Variants in EPS15 observed in about 807,000 individuals in gnomAD.
EPS15 encodes epidermal growth factor receptor pathway substrate 15.
EPS15 carries 72 observed loss-of-function variants against 113.8 expected under a neutral mutation model. The ratio of observed to expected loss-of-function variants is 0.63; its 90% CI spans 0.52 to 0.77. EPS15 has a LOEUF of 0.77. Ranked by LOEUF, EPS15 falls within the 30% of genes least tolerant of loss-of-function variation. The pLI is 0.00. For synonymous variants in EPS15, 344 were observed against 363.4 expected (o/e 0.95, Z 0.61); for missense variants, 1,048 against 1,045.8 (o/e 1.00, Z -0.03).
At chr1:51,381,639 T>C (rs561987052) in intron 21 of EPS15, among the ~76,000 whole-genome samples, 1 of 151,872 alleles carries the variant, frequency 6.6e-6, no homozygotes, top group African/African-American at 2.4e-5. Flanking sequence ...TAAAACAGAA[T>C]AAAACTAAAA....
intron 13 of EPS15, among the ~76,000 whole-genome samples, chr1:51,411,540 T>C (rs1049128221): frequency 6.6e-6 from 1 of 152,168 alleles, no homozygotes; most frequent in Non-Finnish European, 1.5e-5. Context: ...AATTATAATA[T>C]TGAAGGAGAA....
intron 24 of EPS15, among the ~76,000 whole-genome samples, chr1:51,357,420 ATATATATTTTT>A (rs1287657346): frequency 6.3e-4 from 43 of 68,778 alleles, no homozygotes; most frequent in African/African-American, 7.2e-4. Flanking sequence ...ATATATATAT[ATATATATTTTT>A]TTTTTTTAAA....
Position 51,399,081 on chromosome 1 carries a change from G to A in EPS15, c.2003C>T (p.Thr668Ile), listed in dbSNP as rs1280406708. The A allele has an allele frequency of 6.2e-7, 1 of 1,614,108 alleles. No homozygotes were observed. The highest frequency in any genetic ancestry group is 1.7e-5 in the Admixed American group (1 of 60,028). ...FFRQSTDPFATSSTDPFSAAN... is the reference protein window; with the variant it reads ...FFRQSTDPFAISSTDPFSAAN... ...TGCACTGAAAGGGTCAGTGCTTGAA[G>A]TGGCAAAAGGATCAGTAGATTGCCT... The change falls in exon 20 of 25, where the codon ACT becomes ATT. Residue 668 changes from threonine to isoleucine, a missense_variant. Coordinates refer to ENST00000371733, the MANE Select transcript of EPS15 (RefSeq NM_001981.3).
chr1:51,373,003 C>T (rs1387411138), intron 21 of EPS15: 5 of 277,640 alleles, frequency 1.8e-5, no homozygotes, highest in Non-Finnish European at 2.7e-5. Flanking sequence ...GGCCTTGTAC[C>T]TGAAGATCAA....
chr1:51,479,069 T>C (rs1361430620), intron 2 of EPS15, among the ~76,000 whole-genome samples: 1 of 152,200 alleles, frequency 6.6e-6, no homozygotes, highest in African/African-American at 2.4e-5. Flanking sequence ...CTTGGTTCCG[T>C]TCTCCCCATC....
Position 51,369,589 on chromosome 1 carries a change from C to T in EPS15, c.2120-3560G>A, listed in dbSNP as rs114873500. 5.2e-3 allele frequency among the ~76,000 whole-genome samples: 785 copies of T among 152,228 alleles called. 8 individuals are homozygous for T. The highest frequency in any genetic ancestry group is 0.018 in the African/African-American group (730 of 41,532). On this transcript the variant is annotated intron_variant, in intron 21 of 24. Transcript: ENST00000371733. ...CCCTAAATCTCACTATCAGAAATAA[C>T]CCTTATGAATATTTCAGCATACTTC...
chr1:51,404,238 C>T (rs986320972), intron 16 of EPS15, among the ~76,000 whole-genome samples: 2 of 150,560 alleles, frequency 1.3e-5, no homozygotes, highest in Non-Finnish European at 2.9e-5. Flanking sequence ...CCCAGCTACT[C>T]GGGAGGCTGA....
At chr1:51,499,274 A>G (rs547844602) in intron 1 of EPS15, among the ~76,000 whole-genome samples, 1 of 152,314 alleles carries the variant, frequency 6.6e-6, no homozygotes, top group African/African-American at 2.4e-5. Context: ...GGCTTATTTC[A>G]TTTCAAGTCT....
rs573958757 is a variant in EPS15, at chr1:51,511,368, C to T, written c.33+7831G>A. ...AAAATTAGCCAGGCGTGGTGATGCA[C>T]GCCTGTAATCCCAGCTACTCGGGAG... On this transcript the variant is annotated intron_variant, in intron 1 of 24. Transcript: ENST00000371733. Among the ~76,000 whole-genome samples, 11 of 151,408 alleles carry T rather than the reference C, an allele frequency of 7.3e-5. No homozygotes were observed. The East Asian group carries it at 2.1e-3, about 30-fold the overall frequency.
chr1:51,471,310 T>A (rs1242363412), intron 4 of EPS15, among the ~76,000 whole-genome samples: 1 of 152,246 alleles, frequency 6.6e-6, no homozygotes, highest in African/African-American at 2.4e-5. Flanking sequence ...TAGACCAGAA[T>A]ACTCACATCT....
intron 12 of EPS15, 54 bp downstream of exon 12, chr1:51,440,293 G>GTT (rs1199335064): frequency 1.5e-6 from 1 of 665,702 alleles, no homozygotes. Context: ...GTGTGTGTGT[G>GTT]TGTGTGTGTG....
chr1:51,360,559 T>A (rs1025543282), intron 24 of EPS15, among the ~76,000 whole-genome samples: 1 of 152,210 alleles, frequency 6.6e-6, no homozygotes, highest in Non-Finnish European at 1.5e-5. Context: ...CATGAGAAGT[T>A]AGTGAATTAG....
At position 51,408,265 on chromosome 1, in the gene EPS15, G is replaced by A; in HGVS notation, c.1343C>T (p.Ala448Val). The change falls in exon 15 of 25, where the codon GCA becomes GTA. Residue 448 changes from alanine (A) to valine (V), a missense_variant. By Grantham distance (64) the Ala-to-Val change is moderately conservative. Transcript: ENST00000371733. Reference sequence around the variant, plus strand: ...ACGGCTCAGCTCTTCTCTAGCTTTTGCCAATTCTTCTTCGTAAGTGGAGAT... The same window carrying A: ...ACGGCTCAGCTCTTCTCTAGCTTTTACCAATTCTTCTTCGTAAGTGGAGAT... The part of the protein sequence containing the change: ...SQISTYEEEL[A>V]KAREELSRLQ... 1 of 1,613,810 alleles carries A rather than the reference G, an allele frequency of 6.2e-7. No homozygotes were observed. Among genetic ancestry groups the A allele is most frequent in the Non-Finnish European group, 8.5e-7 (1 of 1,179,710 alleles).
intron 1 of EPS15, among the ~76,000 whole-genome samples, chr1:51,509,366 C>T (rs1644579333): frequency 1.3e-5 from 2 of 152,086 alleles, no homozygotes; most frequent in African/African-American, 4.8e-5. Flanking sequence ...TTAAGTGCAA[C>T]ATTTCATAAA....
chr1:51,383,053 G>C (rs1646977087), intron 21 of EPS15, among the ~76,000 whole-genome samples: 1 of 152,150 alleles, frequency 6.6e-6, no homozygotes, highest in Non-Finnish European at 1.5e-5. Context: ...TTTATTCCTG[G>C]AATATAAGAA....
chr1:51,456,370 A>G (rs1309200291), intron 8 of EPS15, among the ~76,000 whole-genome samples: 1 of 152,216 alleles, frequency 6.6e-6, no homozygotes, highest in African/African-American at 2.4e-5. Context: ...GGTCTTTAAA[A>G]CAAACAAACA....
intron 12 of EPS15, among the ~76,000 whole-genome samples, chr1:51,439,612 G>A (rs754945166): frequency 5.3e-5 from 8 of 152,008 alleles, no homozygotes; most frequent in Non-Finnish European, 1.2e-4. Context: ...CAGGGAACAC[G>A]GAAATTAAGG....
chr1:51,368,436 GA>G (rs1488029557), intron 21 of EPS15, among the ~76,000 whole-genome samples: 1 of 152,158 alleles, frequency 6.6e-6, no homozygotes, highest in East Asian at 1.9e-4. Flanking sequence ...GAGGATGTTG[GA>G]AGTTCAGGGT....
chr1:51,455,879 A>C (rs1653958953), intron 8 of EPS15, among the ~76,000 whole-genome samples: 1 of 152,092 alleles, frequency 6.6e-6, no homozygotes, highest in Admixed American at 6.5e-5. Flanking sequence ...AACTCTCTGA[A>C]GTCATTTTAG....
Sources: gnomAD v4.1 joint callset for allele counts (sites outside exome capture counted in the v4.1 genomes callset) on GRCh38, gnomAD v4.1.1 for gene constraint, MANE v1.5 for transcripts, NCBI Gene and HGNC (gene_info 2026-07-23, HGNC 2026-07-21) for gene names.